Variants in PHACTR1 observed in about 807,000 individuals in gnomAD.
PHACTR1 encodes phosphatase and actin regulator 1, also known as RPEL repeat containing 1.
Under a neutral mutation model 69.2 loss-of-function variants are expected in PHACTR1, and 16 were observed. The ratio of observed to expected loss-of-function variants is 0.23; its 90% CI spans 0.16 to 0.35. The LOEUF (loss-of-function observed/expected upper bound fraction) is 0.35. Ranked by LOEUF, PHACTR1 falls within the 10% of genes least tolerant of loss-of-function variation. The probability of loss-of-function intolerance (pLI) is 1.00; values close to 1 mark genes in which losing one functional copy is unlikely to be tolerated. For synonymous variants in PHACTR1, 312 were observed against 284.5 expected (o/e 1.10, Z -0.97); for missense variants, 510 against 734.7 (o/e 0.69, Z 3.54).
chr6:12,869,244 A>G (rs1317201430), intron 4 of PHACTR1, among the ~76,000 whole-genome samples: 1 of 152,058 alleles, frequency 6.6e-6, no homozygotes, highest in Non-Finnish European at 1.5e-5. Flanking sequence ...GAACATGTAG[A>G]TTCCTCTATC....
At chr6:12,872,952 C>CTCCT (rs937845029) in intron 4 of PHACTR1, among the ~76,000 whole-genome samples, 2 of 150,410 alleles carry the variant, frequency 1.3e-5, no homozygotes, top group African/African-American at 4.9e-5. Context: ...CTTTCTCGTT[C>CTCCT]TCCTTCCTTC....
chr6:13,212,741 A>G (rs907806866), intron 8 of PHACTR1, among the ~76,000 whole-genome samples: 18 of 152,060 alleles, frequency 1.2e-4, no homozygotes, highest in African/African-American at 3.9e-4. Flanking sequence ...GACGTGCCGG[A>G]CACCTCCTGA....
At chr6:12,853,861 T>G (rs1208483124) in intron 4 of PHACTR1, among the ~76,000 whole-genome samples, 1 of 152,146 alleles carries the variant, frequency 6.6e-6, no homozygotes, top group African/African-American at 2.4e-5. Context: ...GAGATTTGGG[T>G]GGGGACACAG....
chr6:13,184,879 C>T (rs760755846), intron 7 of PHACTR1: 1 of 1,366,548 alleles, frequency 7.3e-7, no homozygotes, highest in South Asian at 1.1e-5. Flanking sequence ...CCTGCTACTG[C>T]CCCCCAAAAA....
At chr6:13,205,395 T>C (rs370334299) in intron 7 of PHACTR1, among the ~76,000 whole-genome samples, 6 of 152,214 alleles carry the variant, frequency 3.9e-5, no homozygotes, top group African/African-American at 1.4e-4. Context: ...TTGACAATTA[T>C]ATTTCACCAT....
chr6:13,091,957 C>T (rs897888225), intron 5 of PHACTR1, among the ~76,000 whole-genome samples: 2 of 152,150 alleles, frequency 1.3e-5, no homozygotes, highest in Admixed American at 6.6e-5. Flanking sequence ...ATGACCACGC[C>T]TGGCTAATTT....
At chr6:13,157,285 C>T (rs1226020681) in intron 5 of PHACTR1, among the ~76,000 whole-genome samples, 1 of 152,244 alleles carries the variant, frequency 6.6e-6, no homozygotes, top group Non-Finnish European at 1.5e-5. Flanking sequence ...ACACCCCAAT[C>T]AGGGACAATA....
chr6:13,061,988 T>C (rs1807749639), intron 5 of PHACTR1, among the ~76,000 whole-genome samples: 1 of 152,190 alleles, frequency 6.6e-6, no homozygotes, highest in South Asian at 2.1e-4. Context: ...CAGCTTCAGA[T>C]ACAAATAATT....
intron 4 of PHACTR1, among the ~76,000 whole-genome samples, chr6:13,047,685 C>A (rs1233134714): frequency 2.0e-5 from 3 of 152,100 alleles, no homozygotes; most frequent in African/African-American, 7.2e-5. Context: ...ATGGGCTGCC[C>A]TCCTGCCTCT....
At chr6:13,152,108 G>A (rs1010914303) in intron 5 of PHACTR1, among the ~76,000 whole-genome samples, 6 of 152,138 alleles carry the variant, frequency 3.9e-5, no homozygotes, top group South Asian at 2.1e-4. Flanking sequence ...AGAGGTGGGC[G>A]GATCATCTGA....
intron 5 of PHACTR1, among the ~76,000 whole-genome samples, chr6:13,082,787 A>T (rs1394530864): frequency 1.3e-5 from 2 of 151,818 alleles, no homozygotes; most frequent in South Asian, 2.1e-4. Flanking sequence ...CCACTTTTTG[A>T]TGGGGTTGTT....
intron 4 of PHACTR1, among the ~76,000 whole-genome samples, chr6:12,916,366 ACTT>A (rs1470476575): frequency 6.6e-6 from 1 of 152,008 alleles, no homozygotes; most frequent in Admixed American, 6.6e-5. Flanking sequence ...CCAGTGGAAA[ACTT>A]CTATTTGTCC....
chr6:13,273,624 A>G (rs972656452), intron 11 of PHACTR1: 1 of 152,196 alleles, frequency 6.6e-6, no homozygotes, highest in Non-Finnish European at 1.5e-5. Flanking sequence ...AGGATACAAA[A>G]TACTAAAAGA....
chr6:13,177,429 G>GTA (rs1014238567), intron 6 of PHACTR1, among the ~76,000 whole-genome samples: 2 of 73,656 alleles, frequency 2.7e-5, no homozygotes, highest in African/African-American at 5.2e-5. Context: ...ATATATGTAT[G>GTA]TATGTGTATA....
intron 4 of PHACTR1, among the ~76,000 whole-genome samples, chr6:12,950,663 T>C (rs550527698): frequency 3.9e-5 from 6 of 152,124 alleles, no homozygotes; most frequent in Admixed American, 6.5e-5. Context: ...GTTTTATACA[T>C]GAGAAAAAGG....
chr6:12,719,946 G>A (rs1157972365), intron 3 of PHACTR1, among the ~76,000 whole-genome samples: 1 of 152,200 alleles, frequency 6.6e-6, no homozygotes, highest in Non-Finnish European at 1.5e-5. Context: ...GATTTGCTGA[G>A]GTCTGTGTGC....
intron 10 of PHACTR1, among the ~76,000 whole-genome samples, chr6:13,255,298 C>T (rs1476805302): frequency 6.6e-6 from 1 of 152,180 alleles, no homozygotes; most frequent in African/African-American, 2.4e-5. Flanking sequence ...GAAACTGCTC[C>T]CATCATTCAA....
chr6:13,093,292 A>G (rs569324900), intron 5 of PHACTR1, among the ~76,000 whole-genome samples: 1 of 152,364 alleles, frequency 6.6e-6, no homozygotes, highest in South Asian at 2.1e-4. Flanking sequence ...CCAGCCATGT[A>G]GTTTTGCATA....
At chr6:13,178,350 G>C (rs1150612) in intron 6 of PHACTR1, among the ~76,000 whole-genome samples, 147,012 of 152,344 alleles carry the variant, frequency 0.96, 71,130 homozygotes, top group Middle Eastern at 1. Flanking sequence ...ATTTCCTGCC[G>C]GAAACCTCAT....
Sources: allele counts gnomAD v4.1 joint callset (sites outside exome capture counted in the v4.1 genomes callset), GRCh38; gene constraint gnomAD v4.1.1; transcripts MANE v1.5; gene names NCBI Gene and HGNC (gene_info 2026-07-23, HGNC 2026-07-21).